Variants in PDE7B observed in about 807,000 individuals in gnomAD.
The protein encoded by PDE7B is phosphodiesterase 7B.
A neutral mutation model predicts 56.2 loss-of-function variants in PDE7B; 29 were observed. The ratio of observed to expected loss-of-function variants is 0.52; its 90% CI spans 0.38 to 0.70. PDE7B has a LOEUF of 0.70. Among genes scored for constraint, PDE7B ranks in the 30% least tolerant of loss-of-function variants. PDE7B has a pLI of 0.00. For missense variants in PDE7B, 490 were observed against 565.0 expected (o/e 0.87, Z 1.35); for synonymous variants, 197 against 196.9 (o/e 1.00, Z 0.00).
At chr6:135,931,591 A>T (rs190455002) in intron 1 of PDE7B, among the ~76,000 whole-genome samples, 50 of 152,250 alleles carry the variant, frequency 3.3e-4, no homozygotes, top group African/African-American at 1.1e-3. Flanking sequence ...AATGATAAAA[A>T]TTTTTTCCCA....
At chr6:136,136,349 C>T (rs1778210669) in intron 3 of PDE7B, among the ~76,000 whole-genome samples, 1 of 152,056 alleles carries the variant, frequency 6.6e-6, no homozygotes. Context: ...CACCTACAAC[C>T]TGCAGGACTT....
intron 1 of PDE7B, among the ~76,000 whole-genome samples, chr6:135,923,916 A>G (rs772715740): frequency 1.3e-5 from 2 of 152,206 alleles, no homozygotes; most frequent in Non-Finnish European, 2.9e-5. Flanking sequence ...TTAGCAGTAC[A>G]CAGTAAAAGA....
At chr6:136,157,053 C>G (rs542591002) in intron 8 of PDE7B, among the ~76,000 whole-genome samples, 2 of 152,208 alleles carry the variant, frequency 1.3e-5, no homozygotes, top group African/African-American at 4.8e-5. Context: ...ATTATCATAC[C>G]TATTTTCCAC....
chr6:135,986,178 G>A (rs1352223719), intron 2 of PDE7B, among the ~76,000 whole-genome samples: 4 of 152,166 alleles, frequency 2.6e-5, no homozygotes, highest in Non-Finnish European at 5.9e-5. Flanking sequence ...ATGTGGGTAA[G>A]GCTCATTGAT....
At chr6:136,070,634 T>TA (rs960366702) in intron 2 of PDE7B, among the ~76,000 whole-genome samples, 1 of 152,194 alleles carries the variant, frequency 6.6e-6, no homozygotes, top group African/African-American at 2.4e-5. Context: ...TCATTTAATT[T>TA]AAAAAACATT....
intron 3 of PDE7B, among the ~76,000 whole-genome samples, chr6:136,129,610 T>C (rs551577790): frequency 7.2e-5 from 11 of 152,296 alleles, no homozygotes; most frequent in South Asian, 2.1e-4. Context: ...AACTTCCTCA[T>C]CTTTGCATCA....
intron 1 of PDE7B, among the ~76,000 whole-genome samples, chr6:135,876,131 T>C (rs1196827555): frequency 1.3e-5 from 2 of 152,154 alleles, no homozygotes; most frequent in African/African-American, 4.8e-5. Context: ...AAGGCTCAAG[T>C]AGCAGTGCAG....
chr6:135,920,889 C>A (rs1165038853), intron 1 of PDE7B, among the ~76,000 whole-genome samples: 1 of 152,142 alleles, frequency 6.6e-6, no homozygotes, highest in Non-Finnish European at 1.5e-5. Context: ...TGGGGGATGA[C>A]GTCACTGCGG....
chr6:136,166,583 G>A (rs927120046), intron 8 of PDE7B, among the ~76,000 whole-genome samples: 2 of 152,056 alleles, frequency 1.3e-5, no homozygotes, highest in African/African-American at 4.8e-5. Context: ...AGGGCAAGGT[G>A]CTACACACTT....
chr6:136,004,189 G>T (rs1322786496), intron 2 of PDE7B, among the ~76,000 whole-genome samples: 1 of 152,168 alleles, frequency 6.6e-6, no homozygotes, highest in Non-Finnish European at 1.5e-5. Context: ...ATTAGGTATT[G>T]ATGGGACATA....
chr6:135,923,678 A>G (rs968588059), intron 1 of PDE7B, among the ~76,000 whole-genome samples: 1 of 152,210 alleles, frequency 6.6e-6, no homozygotes, highest in Non-Finnish European at 1.5e-5. Flanking sequence ...AAGGAGTTTC[A>G]AGGTATAAAA....
chr6:136,069,894 T>A (rs1018060238), intron 2 of PDE7B, among the ~76,000 whole-genome samples: 1 of 152,132 alleles, frequency 6.6e-6, no homozygotes. Flanking sequence ...TATTGATCAA[T>A]GAAACTATCT....
intron 2 of PDE7B, among the ~76,000 whole-genome samples, chr6:136,037,008 C>T (rs894906557): frequency 1.3e-5 from 2 of 152,182 alleles, no homozygotes; most frequent in African/African-American, 4.8e-5. Context: ...TCAGGGTTAG[C>T]GCCTCCATCT....
At chr6:135,980,997 C>T (rs796272076) in intron 2 of PDE7B, among the ~76,000 whole-genome samples, 8 of 147,372 alleles carry the variant, frequency 5.4e-5, no homozygotes, top group Non-Finnish European at 7.5e-5. Flanking sequence ...ATGTTTATTG[C>T]GGCATTATTC....
chr6:136,098,672 C>G (rs1777510571), intron 2 of PDE7B, among the ~76,000 whole-genome samples: 1 of 152,124 alleles, frequency 6.6e-6, no homozygotes, highest in South Asian at 2.1e-4. Context: ...CTAGCTTATA[C>G]CATATCGACT....
chr6:136,001,333 G>A (rs1377331110), intron 2 of PDE7B, among the ~76,000 whole-genome samples: 1 of 152,202 alleles, frequency 6.6e-6, no homozygotes, highest in Non-Finnish European at 1.5e-5. Flanking sequence ...ACCAGCAACG[G>A]AACAAAGCTG....
chr6:135,970,747 A>G (rs111655068), intron 2 of PDE7B, among the ~76,000 whole-genome samples: 1,814 of 152,284 alleles, frequency 0.012, 43 homozygotes, highest in African/African-American at 0.04. Context: ...CTACGTGGGC[A>G]CTGGGAAAGA....
chr6:135,967,986 G>A (rs1290333021), intron 2 of PDE7B, among the ~76,000 whole-genome samples: 1 of 152,148 alleles, frequency 6.6e-6, no homozygotes, highest in Non-Finnish European at 1.5e-5. Context: ...AGGGTACTGT[G>A]GCTATTGAAG....
chr6:135,995,294 G>A (rs564568440), intron 2 of PDE7B, among the ~76,000 whole-genome samples: 3 of 150,174 alleles, frequency 2.0e-5, no homozygotes, highest in East Asian at 2.0e-4. Context: ...AACTTCCTCT[G>A]ACAAATCCAG....
Sources: allele counts gnomAD v4.1 joint callset (sites outside exome capture counted in the v4.1 genomes callset), GRCh38; gene constraint gnomAD v4.1.1; transcripts MANE v1.5; gene names NCBI Gene and HGNC (gene_info 2026-07-23, HGNC 2026-07-21).